MAF: variants seen among roughly 807,000 people sequenced by gnomAD.
MAF encodes MAF bZIP transcription factor, also known as transcription factor Maf.
A neutral mutation model predicts 22.0 loss-of-function variants in MAF; 10 were observed. The ratio of observed to expected loss-of-function variants is 0.45; its 90% CI spans 0.28 to 0.77. The LOEUF (loss-of-function observed/expected upper bound fraction) is 0.77, where lower values mean the gene tolerates loss of function less well. Among genes scored for constraint, MAF ranks in the 30% least tolerant of loss-of-function variants. The probability of loss-of-function intolerance (pLI) is 0.12; values close to 1 mark genes in which losing one functional copy is unlikely to be tolerated. For missense variants in MAF, 544 were observed against 548.4 expected, an observed-to-expected ratio of 0.99 and a Z score of 0.08; for synonymous variants, 337 against 255.8, an observed-to-expected ratio of 1.32 and a Z score of -3.03.
intron 1 of MAF, chr16:79,596,595 T>C (rs1913541230): frequency 2.9e-6 from 3 of 1,044,644 alleles, no homozygotes; most frequent in Non-Finnish European, 3.5e-6. Context: ...ACTCAAGATA[T>C]AAAACAATTT....
the MAF span, among the ~76,000 whole-genome samples, chr16:79,523,642 T>C: frequency 6.6e-6 from 1 of 152,194 alleles, no homozygotes; most frequent in Non-Finnish European, 1.5e-5. Context: ...GATAAGCTGA[T>C]TCTGGAGACA....
chr16:79,398,755 T>C, the MAF span, among the ~76,000 whole-genome samples: 1 of 152,168 alleles, frequency 6.6e-6, no homozygotes, highest in Non-Finnish European at 1.5e-5. Flanking sequence ...CCTGCTCAGC[T>C]AGGCCCCTCT....
downstream of MAF, among the ~76,000 whole-genome samples, chr16:79,584,396 C>T (rs545069576): frequency 1.3e-5 from 2 of 152,294 alleles, no homozygotes; most frequent in African/African-American, 2.4e-5. Context: ...AAGGAATTGT[C>T]CTTCTCCTCC....
At chr16:79,475,212 T>C in the MAF span, among the ~76,000 whole-genome samples, 56,330 of 151,960 alleles carry the variant, frequency 0.37, 11,971 homozygotes, top group Middle Eastern at 0.49. Flanking sequence ...TATCCGTTGC[T>C]AACACTCTGC....
the MAF span, among the ~76,000 whole-genome samples, chr16:79,472,133 T>C: frequency 6.6e-6 from 1 of 152,158 alleles, no homozygotes; most frequent in South Asian, 2.1e-4. Context: ...TCAGATTTTA[T>C]GGAAATATTT....
At chr16:79,475,380 G>GTGTGTGTGTGTGTGTA in the MAF span, among the ~76,000 whole-genome samples, 1 of 151,716 alleles carries the variant, frequency 6.6e-6, no homozygotes, top group East Asian at 1.9e-4. Context: ...GTGTGTGTGT[G>GTGTGTGTGTGTGTGTA]TGTATGCAAG....
At chr16:79,209,477 G>A in the MAF span, among the ~76,000 whole-genome samples, 2 of 152,172 alleles carry the variant, frequency 1.3e-5, no homozygotes, top group Non-Finnish European at 2.9e-5. Flanking sequence ...CTGTCATGAC[G>A]TTTGAATGCT....
the MAF span, among the ~76,000 whole-genome samples, chr16:79,477,091 C>A: frequency 6.6e-6 from 1 of 152,242 alleles, no homozygotes; most frequent in Admixed American, 6.5e-5. Context: ...AAGAGGGGAA[C>A]AAGGATGCTA....
At chr16:79,209,698 A>C in the MAF span, among the ~76,000 whole-genome samples, 17 of 152,336 alleles carry the variant, frequency 1.1e-4, no homozygotes, top group African/African-American at 3.8e-4. Context: ...AGGCCAAAAT[A>C]ATACTTGGCT....
the MAF span, among the ~76,000 whole-genome samples, chr16:79,541,297 C>G: frequency 6.4e-4 from 98 of 152,290 alleles, no homozygotes; most frequent in East Asian, 0.013. Context: ...ATTATTCTGT[C>G]TCATCACCTC....
chr16:79,339,840 T>C, the MAF span, among the ~76,000 whole-genome samples: 1 of 152,208 alleles, frequency 6.6e-6, no homozygotes, highest in African/African-American at 2.4e-5. Flanking sequence ...CAAGATTATC[T>C]CTTTGAGGTA....
At chr16:79,554,060 T>C in the MAF span, among the ~76,000 whole-genome samples, 1 of 151,994 alleles carries the variant, frequency 6.6e-6, no homozygotes, top group African/African-American at 2.4e-5. Context: ...CTGGACTCCA[T>C]GCTGGGTGAC....
chr16:79,209,123 G>GC, the MAF span, among the ~76,000 whole-genome samples: 10 of 152,318 alleles, frequency 6.6e-5, no homozygotes, highest in Admixed American at 6.5e-4. Context: ...AGGAATCAAA[G>GC]CCATCTCCTG....
the MAF span, among the ~76,000 whole-genome samples, chr16:79,413,510 A>G: frequency 2.1e-4 from 31 of 150,866 alleles, no homozygotes; most frequent in African/African-American, 6.3e-4. Context: ...TGGGATTACA[A>G]GCGTGAGCCA....
At chr16:79,277,182 C>T in the MAF span, among the ~76,000 whole-genome samples, 5 of 152,100 alleles carry the variant, frequency 3.3e-5, no homozygotes, top group Non-Finnish European at 2.9e-5. Flanking sequence ...CTTAGGCAGA[C>T]GCCAGTAATT....
the MAF span, among the ~76,000 whole-genome samples, chr16:79,502,726 T>TAA: frequency 2.9e-4 from 29 of 101,600 alleles, no homozygotes; most frequent in East Asian, 6.6e-4. Context: ...TATATATATA[T>TAA]ATATATATAT....
the MAF span, among the ~76,000 whole-genome samples, chr16:79,214,990 G>C: frequency 6.6e-6 from 1 of 152,090 alleles, no homozygotes; most frequent in Non-Finnish European, 1.5e-5. Flanking sequence ...GATTACAGGT[G>C]TGAGCTACCA....
chr16:79,385,526 C>T, the MAF span, among the ~76,000 whole-genome samples: 21 of 152,280 alleles, frequency 1.4e-4, no homozygotes, highest in African/African-American at 4.8e-4. Flanking sequence ...CGCAAGCATG[C>T]GTCTACTTAT....
At chr16:79,537,325 G>C in the MAF span, among the ~76,000 whole-genome samples, 3 of 152,154 alleles carry the variant, frequency 2.0e-5, no homozygotes, top group Non-Finnish European at 4.4e-5. Context: ...ATCATCATTA[G>C]CCTCTAATAG....
Sources: allele counts gnomAD v4.1 joint callset (sites outside exome capture counted in the v4.1 genomes callset), GRCh38; gene constraint gnomAD v4.1.1; transcripts MANE v1.5; gene names NCBI Gene and HGNC (gene_info 2026-07-23, HGNC 2026-07-21).